GALNT17: variants seen among roughly 807,000 people sequenced by gnomAD.
The protein encoded by GALNT17 is polypeptide N-acetylgalactosaminyltransferase 17.
In GALNT17, 29 loss-of-function variants were observed where a neutral mutation model predicts 63.7. That is an observed-to-expected ratio of 0.46 (90% CI 0.34 to 0.62). The LOEUF (loss-of-function observed/expected upper bound fraction) is 0.62, where lower values mean the gene tolerates loss of function less well. Among genes scored for constraint, GALNT17 ranks in the 20% least tolerant of loss-of-function variants. GALNT17 has a pLI of 0.01. For missense variants in GALNT17, 603 were observed against 799.6 expected (o/e 0.75, Z 2.97); for synonymous variants, 305 against 318.3 (o/e 0.96, Z 0.45).
chr7:71,348,645 G>T (rs2707431), intron 2 of GALNT17, among the ~76,000 whole-genome samples: 150,606 of 152,340 alleles, frequency 0.99, 74,450 homozygotes, highest in East Asian at 1. Flanking sequence ...CATGGAATTC[G>T]CGATTTATTA....
At chr7:71,690,138 C>A (rs1791420379) in intron 9 of GALNT17, among the ~76,000 whole-genome samples, 3 of 151,992 alleles carry the variant, frequency 2.0e-5, no homozygotes, top group Admixed American at 2.0e-4. Flanking sequence ...GAGTCTCCCG[C>A]CTCAGCCTCC....
chr7:71,218,253 G>A (rs1357356769), intron 1 of GALNT17, among the ~76,000 whole-genome samples: 1 of 152,082 alleles, frequency 6.6e-6, no homozygotes, highest in Non-Finnish European at 1.5e-5. Context: ...AAATTATCCG[G>A]CATGGTGGTG....
chr7:71,424,689 T>G (rs1786726515), intron 5 of GALNT17, among the ~76,000 whole-genome samples: 1 of 152,234 alleles, frequency 6.6e-6, no homozygotes, highest in Non-Finnish European at 1.5e-5. Flanking sequence ...GATGGGGATA[T>G]TTAATTGCAG....
rs1027783149 is a variant in GALNT17, at chr7:71,197,160, A to G, written c.238+64120A>G. ...TTTAGTTATTTTAAAATGTGCAACA[A>G]TTACATTATTGATTATAGTCACCCT... On this transcript the variant is annotated intron_variant, in intron 1 of 10. Transcript: ENST00000333538. Among the ~76,000 whole-genome samples the G allele has an allele frequency of 1.4e-4, 20 of 143,730 alleles. 1 individual carries two copies. Among genetic ancestry groups the G allele is most frequent in the Non-Finnish European group, 2.6e-4 (17 of 65,630 alleles). 94.3% of individuals were successfully genotyped at this position (143,730 alleles called of 152,430 possible). A position where few individuals can be genotyped will look rare whatever the true frequency, so the allele number is the denominator to read the frequency against.
At chr7:71,350,998 G>T (rs1333988943) in intron 2 of GALNT17, among the ~76,000 whole-genome samples, 1 of 152,136 alleles carries the variant, frequency 6.6e-6, no homozygotes, top group Non-Finnish European at 1.5e-5. Flanking sequence ...AAAATTAGCT[G>T]GGCATAGTGT....
chr7:71,322,923 C>G (rs1791642369), intron 1 of GALNT17, among the ~76,000 whole-genome samples: 1 of 152,112 alleles, frequency 6.6e-6, no homozygotes, highest in Admixed American at 6.5e-5. Context: ...GTTTAAGCCT[C>G]TCCATCTATG....
intron 5 of GALNT17, among the ~76,000 whole-genome samples, chr7:71,479,314 T>A (rs1182271720): frequency 6.6e-6 from 1 of 152,152 alleles, no homozygotes; most frequent in African/African-American, 2.4e-5. Flanking sequence ...GGCAAAATGT[T>A]ATTTTTTTCC....
intron 1 of GALNT17, among the ~76,000 whole-genome samples, chr7:71,149,181 G>A (rs1223834765): frequency 2.0e-5 from 3 of 152,070 alleles, no homozygotes; most frequent in Non-Finnish European, 4.4e-5. Context: ...AGCCTCCTGA[G>A]TAGCTGGGAC....
At chr7:71,551,176 A>G (rs937250204) in intron 5 of GALNT17, among the ~76,000 whole-genome samples, 2 of 151,886 alleles carry the variant, frequency 1.3e-5, no homozygotes, top group Non-Finnish European at 2.9e-5. Context: ...TTCATTCTTC[A>G]TAGTTTCTTC....
In GALNT17 at chr7:71,511,260, G is replaced by A. The variant is rs80328741; in HGVS notation, c.963-60025G>A. Among the ~76,000 whole-genome samples the A allele has an allele frequency of 1.1e-3, 165 of 152,234 alleles. 3 individuals carry two copies. The East Asian group carries it at 0.031, about 29-fold the overall frequency. On this transcript the variant is annotated intron_variant, in intron 5 of 10. Coordinates refer to ENST00000333538, the MANE Select transcript of GALNT17 (RefSeq NM_022479.3). The stretch of plus-strand genomic sequence containing the variant: ...GCAGTGGGTTCGAATGCACAGACAA[G>A]GAAGTGGGAATGGGCTTGGATTTGG...
intron 5 of GALNT17, among the ~76,000 whole-genome samples, chr7:71,443,403 G>T (rs1787103320): frequency 6.6e-6 from 1 of 152,216 alleles, no homozygotes; most frequent in Non-Finnish European, 1.5e-5. Flanking sequence ...TGTTGGAGGT[G>T]GGCCTGGAGG....
chr7:71,658,070 A>G (rs78764317), intron 6 of GALNT17, among the ~76,000 whole-genome samples: 14,806 of 152,014 alleles, frequency 0.097, 787 homozygotes, highest in Middle Eastern at 0.14. Context: ...ACACCTGGCT[A>G]ATTATTTAAT....
At chr7:71,163,192 C>CCATTCACTGA (rs1417612648) in intron 1 of GALNT17, among the ~76,000 whole-genome samples, 22 of 152,154 alleles carry the variant, frequency 1.4e-4, no homozygotes, top group African/African-American at 4.6e-4. Context: ...AAAAATGATG[C>CCATTCACTGA]CATTCACTGA....
intron 5 of GALNT17, among the ~76,000 whole-genome samples, chr7:71,427,220 C>T (rs1264453872): frequency 6.6e-6 from 1 of 151,366 alleles, no homozygotes; most frequent in African/African-American, 2.4e-5. Context: ...GCTGGGACTA[C>T]AGGTGCGTGC....
intron 5 of GALNT17, among the ~76,000 whole-genome samples, chr7:71,455,327 G>A (rs1477908771): frequency 1.3e-5 from 2 of 152,056 alleles, no homozygotes; most frequent in Non-Finnish European, 1.5e-5. Flanking sequence ...CAGTTAGGGA[G>A]GGGGAGGTAT....
At chr7:71,654,304 C>T (rs1163352152) in intron 6 of GALNT17, among the ~76,000 whole-genome samples, 2 of 152,166 alleles carry the variant, frequency 1.3e-5, no homozygotes. Context: ...GAATTACAGG[C>T]ATGAGCCACT....
chr7:71,640,049 G>A (rs1790582407), intron 6 of GALNT17, among the ~76,000 whole-genome samples: 1 of 152,116 alleles, frequency 6.6e-6, no homozygotes, highest in Non-Finnish European at 1.5e-5. Context: ...AGAATATCAG[G>A]ATGCCGACAA....
chr7:71,430,072 C>G (rs1028702559), intron 5 of GALNT17, among the ~76,000 whole-genome samples: 1 of 152,040 alleles, frequency 6.6e-6, no homozygotes, highest in Non-Finnish European at 1.5e-5. Context: ...GTCTTGATCT[C>G]CTGGCCTCAA....
chr7:71,328,238 A>G (rs530703690), intron 1 of GALNT17, among the ~76,000 whole-genome samples: 1 of 152,300 alleles, frequency 6.6e-6, no homozygotes, highest in Non-Finnish European at 1.5e-5. Flanking sequence ...TGTCTTTGCC[A>G]TTACTTTTAG....
Sources: allele counts gnomAD v4.1 joint callset (sites outside exome capture counted in the v4.1 genomes callset), GRCh38; gene constraint gnomAD v4.1.1; transcripts MANE v1.5; gene names NCBI Gene and HGNC (gene_info 2026-07-23, HGNC 2026-07-21).